The following PMS2 variants were observed in gnomAD, a reference collection of about 807,000 sequenced individuals.
The protein encoded by PMS2 is PMS1 homolog 2, mismatch repair system component.
In PMS2, 69 loss-of-function variants were observed where a neutral mutation model predicts 90.0. The observed-to-expected ratio is 0.77, with a 90% CI of 0.63 to 0.94. The LOEUF (loss-of-function observed/expected upper bound fraction) is 0.94, where lower values mean the gene tolerates loss of function less well. Among genes scored for constraint, PMS2 ranks in the 40% least tolerant of loss-of-function variants. The pLI is 0.00. For synonymous variants in PMS2, 332 were observed against 375.1 expected (o/e 0.89, Z 1.33); for missense variants, 966 against 1,040.2 (o/e 0.93, Z 0.98).
chr7:5,987,542 G>A lies in PMS2; in HGVS notation c.1223C>T (p.Thr408Ile), dbSNP rs1347299632. ...EKQDQSPSLR[T>I]GEEKKDVSIS... The stretch of plus-strand genomic sequence containing the variant: ...GGACACGTCTTTTTTTTCTTCTCCA[G>A]TCCTTAATGAAGGGGATTGATCCTG... Residue 408 changes from threonine (T) to isoleucine (I), a missense_variant, in exon 11 of 15, where the codon ACT becomes ATT. Transcript: ENST00000265849. 1 of 1,613,914 alleles carries A rather than the reference G, an allele frequency of 6.2e-7. No homozygotes were observed. Among genetic ancestry groups the A allele is most frequent in the Non-Finnish European group, 8.5e-7 (1 of 1,179,988 alleles).
chr7:5,992,814 A>G (rs1409439656), intron 8 of PMS2, among the ~76,000 whole-genome samples: 1 of 152,258 alleles, frequency 6.6e-6, no homozygotes, highest in African/African-American at 2.4e-5. Flanking sequence ...CTCTAATCAT[A>G]GATTCCTAAA....
At chr7:5,994,512 A>C (rs1047176157) in intron 8 of PMS2, among the ~76,000 whole-genome samples, 1 of 151,420 alleles carries the variant, frequency 6.6e-6, no homozygotes, top group Non-Finnish European at 1.5e-5. Flanking sequence ...GGTGGCTCAC[A>C]CCTGTAATTC....
chr7:5,995,941 C>G (rs952593950), intron 7 of PMS2, among the ~76,000 whole-genome samples: 7 of 152,154 alleles, frequency 4.6e-5, no homozygotes, highest in African/African-American at 1.7e-4. Context: ...GTAAGTGGGT[C>G]TCGCTTCAAA....
chr7:5,981,396 C>T (rs2128695470), intron 12 of PMS2, among the ~76,000 whole-genome samples: 2 of 149,886 alleles, frequency 1.3e-5, no homozygotes, highest in East Asian at 2.0e-4. Context: ...AGGCACACAC[C>T]ATCAAGTCTG....
chr7:5,981,395 C>T (rs1305318196), intron 12 of PMS2, among the ~76,000 whole-genome samples: 11 of 149,728 alleles, frequency 7.3e-5, no homozygotes, highest in Admixed American at 1.3e-4. Flanking sequence ...CAGGCACACA[C>T]CATCAAGTCT....
rs1181457303 is a variant in PMS2 at position 6,006,052 on chromosome 7, A to C, written c.24-21T>G. 1.9e-6 allele frequency: 3 copies of C among 1,609,842 alleles called. No individual in the cohort carries two copies. The East Asian group carries it at 6.7e-5, about 36-fold the overall frequency. On this transcript the variant is annotated intron_variant, in intron 1 of 14. Coordinates refer to ENST00000265849, the MANE Select transcript of PMS2 (RefSeq NM_000535.7). ...CTGTACTAGAGAAATCAGTTACAAG[A>C]AACAAATCAAGTATTCAGCTATATA...
At chr7:6,000,444 A>G (rs532526513) in intron 5 of PMS2, among the ~76,000 whole-genome samples, 8 of 151,920 alleles carry the variant, frequency 5.3e-5, no homozygotes, top group Non-Finnish European at 1.2e-4. Flanking sequence ...TGCATGTTGT[A>G]CATTCTATAT....
chr7:5,996,276 G>A (rs1164319372), intron 7 of PMS2, among the ~76,000 whole-genome samples: 2 of 152,038 alleles, frequency 1.3e-5, no homozygotes, highest in African/African-American at 4.8e-5. Context: ...ATCTTAGGCT[G>A]GGTGTGGTGG....
In PMS2 at chr7:5,986,959, G is replaced by C. The variant is rs376046767; in HGVS notation, c.1806C>G (p.Ala602=). 4.5e-5 allele frequency: 72 copies of C among 1,613,870 alleles called. No homozygotes were observed. The highest frequency in any genetic ancestry group is 6.1e-5 in the Non-Finnish European group (72 of 1,179,910). Residue 602 remains alanine (A), a synonymous_variant, in exon 11 of 15, where the codon GCC becomes GCG. Transcript: ENST00000265849. The stretch of plus-strand genomic sequence containing the variant: ...TTTTCACAGCTACATCAACCTGAGA[G>C]GCTGACATGTCCTGAGTATTTACTA... ...QKLVNTQDMS[A]SQVDVAVKIN...
rs529303658 is a variant in PMS2 at position 5,983,093 on chromosome 7, A to G, written c.2007-102T>C. 1.8e-4 allele frequency: 274 copies of G among 1,514,198 alleles called. 4 individuals are homozygous for G. The African/African-American group carries it at 3.6e-3, about 20-fold the overall frequency. 93.8% of individuals were successfully genotyped at this position (1,514,198 alleles called of 1,614,324 possible). On this transcript the variant is annotated intron_variant, in intron 11 of 14. Transcript: ENST00000265849. Reference sequence around the variant, plus strand: ...AAAAAAAGTCAAACAATACAAAAACAAAATAAAGTCCCTAGCCATCCCGCT... The same window carrying G: ...AAAAAAAGTCAAACAATACAAAAACGAAATAAAGTCCCTAGCCATCCCGCT...
At position 6,004,028 on chromosome 7, in the gene PMS2, A is replaced by T. The variant is rs749141001; in HGVS notation, c.194T>A (p.Leu65His). 1 of 1,601,304 alleles carries T rather than the reference A, an allele frequency of 6.2e-7. No homozygotes were observed. Among genetic ancestry groups the T allele is most frequent in the Non-Finnish European group, 8.5e-7 (1 of 1,170,162 alleles). ...DLKLKDYGVD[L>H]IEVSDNGCGV... is the part of the protein sequence containing the mutation. ...ACATCCATTGTCTGAAACTTCAATA[A>T]GATCCACTCCATAGTCCTTAAGCTT... is the stretch of plus-strand genomic sequence containing the variant. The change falls in exon 3 of 15, where the codon CTT becomes CAT. Residue 65 changes from leucine (L) to histidine (H), a missense_variant. Physicochemically the swap from Leu to His is moderately conservative, Grantham distance 99 (BLOSUM62 -3). Around this residue, in one of 2 missense-constraint regions of PMS2, gnomAD observed 871 missense variants for 802.4 expected, o/e 1.09. Coordinates refer to ENST00000265849, the MANE Select transcript of PMS2 (RefSeq NM_000535.7).
rs1554304135 is a variant in PMS2 at position 6,002,648 on chromosome 7, T to C, written c.354-12A>G. The C allele has an allele frequency of 2.5e-6, 4 of 1,607,068 alleles. No homozygotes were observed. The highest frequency in any genetic ancestry group is 2.2e-5 in the South Asian group (2 of 90,902). On this transcript the variant is annotated splice_polypyrimidine_tract_variant and intron_variant, in intron 4 of 14. Coordinates refer to ENST00000265849, the MANE Select transcript of PMS2 (RefSeq NM_000535.7). ...AAATGGTGACATCGCTGTGAGAGAATACCAGGCATGGTGTGTTCAGTGAGA... is the reference window on the plus strand; with the variant it reads ...AAATGGTGACATCGCTGTGAGAGAACACCAGGCATGGTGTGTTCAGTGAGA...
Position 5,987,792 on chromosome 7 carries a change from C to A in PMS2, c.1145-172G>T, listed in dbSNP as rs560599396. On this transcript the variant is annotated intron_variant, in intron 10 of 14. Coordinates refer to ENST00000265849, the MANE Select transcript of PMS2 (RefSeq NM_000535.7). ...AATATGGGCCAGGTGTGGTGGCTTACGCCTGTTATCCCAGCACTTTAGGAG... is the reference window on the plus strand; with the variant it reads ...AATATGGGCCAGGTGTGGTGGCTTAAGCCTGTTATCCCAGCACTTTAGGAG... 2.0e-5 allele frequency among the ~76,000 whole-genome samples: 3 copies of A among 152,230 alleles called. No homozygotes were observed. In the East Asian group the frequency reaches 5.8e-4, roughly 29 times the overall value.
At chr7:5,998,320 T>A (rs548161058) in intron 6 of PMS2, among the ~76,000 whole-genome samples, 2 of 150,356 alleles carry the variant, frequency 1.3e-5, no homozygotes, top group African/African-American at 4.9e-5. Context: ...GACCTCGTGA[T>A]CCGCCCACCT....
At chr7:5,997,839 A>T (rs897507552) in intron 6 of PMS2, among the ~76,000 whole-genome samples, 1 of 152,092 alleles carries the variant, frequency 6.6e-6, no homozygotes, top group African/African-American at 2.4e-5. Context: ...CATAATCCCA[A>T]CAGTTTCCTC....
intron 14 of PMS2, 74 bp from the exon 15 acceptor site, chr7:5,973,616 C>A (rs2128660066): frequency 2.9e-6 from 1 of 344,614 alleles, no homozygotes; most frequent in South Asian, 2.6e-5. Context: ...CAGAAGCATT[C>A]TTCTCTAAAA....
intron 6 of PMS2, 33 bp from the exon 7 acceptor site, chr7:5,997,456 T>A (rs760870004): frequency 7.3e-6 from 9 of 1,224,584 alleles, no homozygotes; most frequent in Non-Finnish European, 1.1e-5. Context: ...CACAGTTACT[T>A]CCTAATAAAG....
intron 9 of PMS2, among the ~76,000 whole-genome samples, chr7:5,990,316 T>C (rs769831056): frequency 6.6e-6 from 1 of 152,240 alleles, no homozygotes; most frequent in Non-Finnish European, 1.5e-5. Context: ...CCAAATTCAC[T>C]TTTAACAATA....
chr7:5,995,822 G>A (rs1202707076), intron 7 of PMS2, among the ~76,000 whole-genome samples, 189 bp from the exon 8 acceptor site: 1 of 152,142 alleles, frequency 6.6e-6, no homozygotes, highest in Non-Finnish European at 1.5e-5. Context: ...AAACCTTCTG[G>A]AATATTCTAA....
Sources: gnomAD v4.1 joint callset for allele counts (sites outside exome capture counted in the v4.1 genomes callset) on GRCh38, gnomAD v4.1.1 for gene constraint, gnomAD v4.1.1 regional missense constraint, MANE v1.5 for transcripts, NCBI Gene and HGNC (gene_info 2026-07-23, HGNC 2026-07-21) for gene names.